The following PRELID2 variants were observed in gnomAD, a reference collection of about 807,000 sequenced individuals.
PRELID2 encodes the protein PRELI domain-containing protein 2.
A neutral mutation model predicts 28.4 loss-of-function variants in PRELID2; 25 were observed. The observed-to-expected ratio is 0.88, with a 90% confidence interval of 0.64 to 1.23. PRELID2 has a LOEUF of 1.23. Ranked by LOEUF, PRELID2 falls within the 50% of genes most tolerant of loss-of-function variation. The probability of loss-of-function intolerance (pLI) is 0.00; values close to 1 mark genes in which losing one functional copy is unlikely to be tolerated. For missense variants in PRELID2, 201 were observed against 214.4 expected (o/e 0.94, Z 0.39); for synonymous variants, 76 against 71.6 (o/e 1.06, Z -0.31).
intron 1 of PRELID2, among the ~76,000 whole-genome samples, chr5:145,823,647 G>T (rs1038636489): frequency 2.6e-5 from 4 of 152,180 alleles, no homozygotes; most frequent in African/African-American, 4.8e-5. Flanking sequence ...GTTTAATACA[G>T]AGTGGACCTC....
At chr5:145,280,534 G>A in the PRELID2 span, among the ~76,000 whole-genome samples, 2 of 151,976 alleles carry the variant, frequency 1.3e-5, no homozygotes, top group Non-Finnish European at 2.9e-5. Flanking sequence ...ATAGCTTTAG[G>A]AGATATACCT....
chr5:145,428,177 T>C, the PRELID2 span, among the ~76,000 whole-genome samples: 2 of 152,116 alleles, frequency 1.3e-5, no homozygotes, highest in Admixed American at 1.3e-4. Context: ...CAAACTGGTC[T>C]CAAACTCTTG....
chr5:145,648,806 T>C (rs902139981), intron 1 of PRELID2, among the ~76,000 whole-genome samples: 3 of 149,490 alleles, frequency 2.0e-5, no homozygotes, highest in African/African-American at 2.4e-5. Flanking sequence ...TATAAATATA[T>C]ATAACATAAT....
At chr5:145,293,263 T>G in the PRELID2 span, among the ~76,000 whole-genome samples, 3 of 152,198 alleles carry the variant, frequency 2.0e-5, no homozygotes, top group African/African-American at 7.2e-5. Context: ...GACTTGGGTA[T>G]CTAAGTATTT....
At chr5:145,343,892 C>T in the PRELID2 span, among the ~76,000 whole-genome samples, 1 of 151,592 alleles carries the variant, frequency 6.6e-6, no homozygotes, top group Non-Finnish European at 1.5e-5. Flanking sequence ...CAGATATATA[C>T]CAACAGACTG....
the PRELID2 span, among the ~76,000 whole-genome samples, chr5:145,267,425 G>C: frequency 6.6e-6 from 1 of 152,182 alleles, no homozygotes; most frequent in African/African-American, 2.4e-5. Context: ...CACTGTGCTT[G>C]GCTTATTTCA....
intron 4 of PRELID2, among the ~76,000 whole-genome samples, chr5:145,817,420 T>TA (rs1754427771): frequency 2.0e-5 from 2 of 100,546 alleles, no homozygotes; most frequent in East Asian, 2.7e-4. Flanking sequence ...ATAAGCTAGT[T>TA]TTATATATAT....
the PRELID2 span, among the ~76,000 whole-genome samples, chr5:145,380,283 C>A: frequency 1.2e-4 from 18 of 152,238 alleles, no homozygotes; most frequent in Admixed American, 8.5e-4. Flanking sequence ...CTTGGTAGCC[C>A]CATGCAGCAT....
the PRELID2 span, among the ~76,000 whole-genome samples, chr5:145,421,920 C>T: frequency 1.3e-5 from 2 of 151,874 alleles, no homozygotes; most frequent in African/African-American, 4.8e-5. Flanking sequence ...CCCAGAGATT[C>T]TGGTATGTTG....
intron 1 of PRELID2, among the ~76,000 whole-genome samples, chr5:145,601,335 C>A (rs1208476691): frequency 6.6e-6 from 1 of 151,800 alleles, no homozygotes; most frequent in Admixed American, 6.6e-5. Flanking sequence ...ATGGAAATTA[C>A]AGAGAAGAGG....
intron 1 of PRELID2, among the ~76,000 whole-genome samples, chr5:145,715,122 T>C (rs554805420): frequency 6.6e-6 from 1 of 152,308 alleles, no homozygotes; most frequent in Admixed American, 6.5e-5. Context: ...TATTTGTCAT[T>C]TCTGTTTGTA....
intron 1 of PRELID2, among the ~76,000 whole-genome samples, chr5:145,826,409 G>C (rs1363343042): frequency 6.6e-6 from 1 of 152,136 alleles, no homozygotes; most frequent in Non-Finnish European, 1.5e-5. Context: ...GTGTGCAAGA[G>C]AACGATCCCA....
chr5:145,670,397 C>T (rs1422154862), intron 1 of PRELID2, among the ~76,000 whole-genome samples: 2 of 152,116 alleles, frequency 1.3e-5, no homozygotes, highest in Non-Finnish European at 2.9e-5. Context: ...AAACACCTCC[C>T]CACTTGGCCC....
intron 1 of PRELID2, among the ~76,000 whole-genome samples, chr5:145,739,275 G>A (rs540423368): frequency 6.6e-6 from 1 of 152,318 alleles, no homozygotes; most frequent in Admixed American, 6.5e-5. Context: ...GGAGGCTGAG[G>A]CAAGTGAATC....
intron 5 of PRELID2, among the ~76,000 whole-genome samples, chr5:145,788,381 C>T (rs6871209): frequency 0.91 from 137,993 of 152,218 alleles, 62,612 homozygotes; most frequent in East Asian, 0.99. Context: ...TTGGCCACCA[C>T]GGGTCAAAAG....
intron 1 of PRELID2, among the ~76,000 whole-genome samples, chr5:145,648,215 T>TC (rs2149668823): frequency 6.6e-6 from 1 of 152,244 alleles, no homozygotes; most frequent in Admixed American, 6.5e-5. Flanking sequence ...AGGAGACATA[T>TC]CCAAGAATGA....
the PRELID2 span, among the ~76,000 whole-genome samples, chr5:145,237,420 G>T: frequency 6.6e-6 from 1 of 151,194 alleles, no homozygotes; most frequent in African/African-American, 2.5e-5. Flanking sequence ...TCATACATGT[G>T]TCAATTCCTA....
the PRELID2 span, chr5:145,437,000 T>C: frequency 6.6e-6 from 1 of 152,204 alleles, no homozygotes; most frequent in Non-Finnish European, 1.5e-5. Flanking sequence ...ACTATTAGCT[T>C]CTTGACAGCA....
intron 1 of PRELID2, among the ~76,000 whole-genome samples, chr5:145,547,618 T>G (rs190873665): frequency 3.2e-4 from 48 of 152,280 alleles, no homozygotes; most frequent in Non-Finnish European, 1.6e-4. Flanking sequence ...ACAAGTGATG[T>G]CTGATAAGAT....
Sources: allele counts gnomAD v4.1 joint callset (sites outside exome capture counted in the v4.1 genomes callset), GRCh38; gene constraint gnomAD v4.1.1; transcripts MANE v1.5; gene names NCBI Gene and HGNC (gene_info 2026-07-23, HGNC 2026-07-21).